The following XRRA1 variants were observed in gnomAD, a reference collection of about 807,000 sequenced individuals.
The protein encoded by XRRA1 is X-ray radiation resistance-associated protein 1.
A neutral mutation model predicts 80.2 loss-of-function variants in XRRA1; 69 were observed. That is an observed-to-expected ratio of 0.86 (90% confidence interval 0.71 to 1.05). The LOEUF (loss-of-function observed/expected upper bound fraction) is 1.05, where lower values mean the gene tolerates loss of function less well. Ranked by LOEUF, XRRA1 falls within the 50% of genes least tolerant of loss-of-function variation. The probability of loss-of-function intolerance (pLI) is 0.00; values close to 1 mark genes in which losing one functional copy is unlikely to be tolerated. For missense variants in XRRA1, 967 were observed against 976.4 expected (o/e 0.99, Z 0.13); for synonymous variants, 348 against 389.9 (o/e 0.89, Z 1.27).
intron 5 of XRRA1, 58 bp downstream of exon 5, chr11:74,933,743 C>T (rs1347774627): frequency 6.7e-7 from 1 of 1,502,040 alleles, no homozygotes; most frequent in East Asian, 2.4e-5. Flanking sequence ...CCACAACAGC[C>T]AGGTGCGCCA....
At chr11:74,872,150 A>G (rs954432389) in intron 10 of XRRA1, among the ~76,000 whole-genome samples, 3 of 152,214 alleles carry the variant, frequency 2.0e-5, no homozygotes, top group Admixed American at 6.5e-5. Flanking sequence ...TGGAGGGCCT[A>G]TAAAGAACTA....
At chr11:74,930,820 T>C (rs1943358009) in intron 5 of XRRA1, among the ~76,000 whole-genome samples, 1 of 152,186 alleles carries the variant, frequency 6.6e-6, no homozygotes, top group Admixed American at 6.5e-5. Context: ...TTGTTTGTTT[T>C]TGAGACAGGG....
intron 8 of XRRA1, among the ~76,000 whole-genome samples, chr11:74,915,637 A>G (rs1938395644): frequency 6.6e-6 from 1 of 152,244 alleles, no homozygotes; most frequent in Admixed American, 6.5e-5. Flanking sequence ...ACTAGATTAT[A>G]AATGTATTTT....
intron 15 of XRRA1, among the ~76,000 whole-genome samples, chr11:74,847,288 G>A (rs1021524062): frequency 6.6e-6 from 1 of 152,188 alleles, no homozygotes; most frequent in Admixed American, 6.5e-5. Context: ...GTACATCCTG[G>A]AAAGATCTGG....
At chr11:74,856,779 AG>A (rs2041201479) in intron 12 of XRRA1, among the ~76,000 whole-genome samples, 1 of 152,182 alleles carries the variant, frequency 6.6e-6, no homozygotes, top group South Asian at 2.1e-4. Flanking sequence ...ACAAAAAGGC[AG>A]GGGGCCTTAC....
intron 4 of XRRA1, among the ~76,000 whole-genome samples, chr11:74,935,358 C>G (rs998319297): frequency 6.6e-6 from 1 of 152,184 alleles, no homozygotes; most frequent in Non-Finnish European, 1.5e-5. Context: ...TGCAAGACGT[C>G]ATTAAGCCTG....
intron 10 of XRRA1, among the ~76,000 whole-genome samples, chr11:74,878,701 C>T (rs1449761536): frequency 1.1e-4 from 16 of 148,788 alleles, no homozygotes; most frequent in Admixed American, 4.0e-4. Context: ...GTTTTCCCAG[C>T]ACCATTTATT....
chr11:74,903,963 A>G (rs181967393), intron 10 of XRRA1, among the ~76,000 whole-genome samples: 1 of 152,266 alleles, frequency 6.6e-6, no homozygotes, highest in Admixed American at 6.5e-5. Context: ...GATGAAAGAA[A>G]AAAAATAAGA....
Position 74,937,051 on chromosome 11 carries a change from C to G in XRRA1, c.112G>C (p.Val38Leu). 1 of 1,613,806 alleles carries G rather than the reference C, an allele frequency of 6.2e-7. No individual in the cohort carries two copies. Among genetic ancestry groups the G allele is most frequent in the Non-Finnish European group, 8.5e-7 (1 of 1,179,822 alleles). ...TTCTTGAGGTTACCTTTCTGAACCA[C>G]TAACCAGTGTCCTTGGCCTGTTGAG... is the stretch of plus-strand genomic sequence containing the variant. ...VPEEGQGHWL[V>L]VQKGNLKKKP... Residue 38 changes from valine to leucine, a missense_variant, in exon 4 of 19, where the codon GTG (valine) becomes CTG (leucine). By Grantham distance (32) the Val-to-Leu change is conservative. Coordinates refer to ENST00000684022, the MANE Select transcript of XRRA1 (RefSeq NM_001378157.1).
intron 10 of XRRA1, among the ~76,000 whole-genome samples, chr11:74,892,187 G>T (rs910053842): frequency 6.6e-6 from 1 of 152,060 alleles, no homozygotes; most frequent in African/African-American, 2.4e-5. Context: ...AAACAGCATG[G>T]TACCGGTACC....
chr11:74,882,066 T>C (rs1349795400), intron 10 of XRRA1, among the ~76,000 whole-genome samples: 1 of 148,946 alleles, frequency 6.7e-6, no homozygotes, highest in African/African-American at 2.5e-5. Flanking sequence ...CCTTGCTAGA[T>C]TGGGGAAGTT....
chr11:74,912,848 G>C (rs563964711), intron 8 of XRRA1, among the ~76,000 whole-genome samples: 1 of 152,186 alleles, frequency 6.6e-6, no homozygotes, highest in Non-Finnish European at 1.5e-5. Context: ...AATATGCCTA[G>C]TAGCTACACT....
intron 12 of XRRA1, among the ~76,000 whole-genome samples, chr11:74,858,245 G>GT (rs2041562460): frequency 6.6e-6 from 1 of 152,254 alleles, no homozygotes; most frequent in South Asian, 2.1e-4. Context: ...AGAGGGACCT[G>GT]TGATACATCT....
chr11:74,871,086 T>C (rs10160410), intron 10 of XRRA1, among the ~76,000 whole-genome samples: 64,087 of 152,026 alleles, frequency 0.42, 15,172 homozygotes, highest in African/African-American at 0.63. Flanking sequence ...ACAACTGTTA[T>C]ATAGTCTTTC....
intron 10 of XRRA1, among the ~76,000 whole-genome samples, chr11:74,868,953 G>C (rs2044122752): frequency 6.6e-6 from 1 of 152,032 alleles, no homozygotes; most frequent in South Asian, 2.1e-4. Context: ...GCAGAAAACT[G>C]ACAAAGATAT....
intron 10 of XRRA1, among the ~76,000 whole-genome samples, chr11:74,878,940 G>A (rs1483598004): frequency 4.0e-5 from 6 of 151,758 alleles, no homozygotes; most frequent in Non-Finnish European, 8.8e-5. Flanking sequence ...TTGACTTGGC[G>A]ATGTGGGTTC....
At chr11:74,946,539 T>C (rs1253757268) in intron 1 of XRRA1, among the ~76,000 whole-genome samples, 3 of 152,184 alleles carry the variant, frequency 2.0e-5, no homozygotes, top group Non-Finnish European at 2.9e-5. Context: ...TCCTGAGGCC[T>C]CCCCAGCCAT....
At chr11:74,938,089 C>T (rs1010530459) in intron 3 of XRRA1, among the ~76,000 whole-genome samples, 1 of 152,140 alleles carries the variant, frequency 6.6e-6, no homozygotes, top group Non-Finnish European at 1.5e-5. Context: ...ATATTATATA[C>T]AATAGTATAA....
intron 13 of XRRA1, among the ~76,000 whole-genome samples, chr11:74,851,755 T>TC (rs1337200723): frequency 5.9e-5 from 9 of 152,200 alleles, no homozygotes; most frequent in Admixed American, 5.9e-4. Context: ...ATCATGAACC[T>TC]CCCTGAGCCT....
Sources: allele counts gnomAD v4.1 joint callset (sites outside exome capture counted in the v4.1 genomes callset), GRCh38; gene constraint gnomAD v4.1.1; transcripts MANE v1.5; gene names NCBI Gene and HGNC (gene_info 2026-07-23, HGNC 2026-07-21).